ZDHHC11B: variants seen among roughly 807,000 people sequenced by gnomAD.
ZDHHC11B encodes the protein zDHHC palmitoyltransferase 11B (putative), also known as probable palmitoyltransferase ZDHHC11B.
ZDHHC11B carries 17 observed loss-of-function variants against 42.3 expected under a neutral mutation model. The ratio of observed to expected loss-of-function variants is 0.40; its 90% CI spans 0.27 to 0.60. ZDHHC11B has a LOEUF of 0.60. Among genes scored for constraint, ZDHHC11B ranks in the 20% least tolerant of loss-of-function variants. The pLI is 0.41. For synonymous variants in ZDHHC11B, 123 were observed against 193.5 expected (o/e 0.64, Z 3.02); for missense variants, 262 against 463.2 (o/e 0.57, Z 3.99).
chr5:720,266 G>T (rs1194677817), intron 12 of ZDHHC11B, among the ~76,000 whole-genome samples: 4 of 151,922 alleles, frequency 2.6e-5, no homozygotes, highest in African/African-American at 9.7e-5. Flanking sequence ...AATTTTGAAG[G>T]CAGGCAGAGA....
At chr5:746,256 C>G (rs1228572028) in intron 8 of ZDHHC11B, among the ~76,000 whole-genome samples, 1 of 146,404 alleles carries the variant, frequency 6.8e-6, no homozygotes, top group Non-Finnish European at 1.5e-5. Flanking sequence ...CCCACAGAGG[C>G]CTATTTGCAG....
At chr5:778,594 C>T (rs111414568) in intron 1 of ZDHHC11B, among the ~76,000 whole-genome samples, 6,210 of 151,342 alleles carry the variant, frequency 0.041, 39 homozygotes, top group Non-Finnish European at 0.06. Context: ...CCTTGGGGCT[C>T]AGGGTCCAGG....
In ZDHHC11B at chr5:778,013, C is replaced by T. The variant is rs369090505; in HGVS notation, c.-230+6655G>A. The stretch of plus-strand genomic sequence containing the variant: ...CGCGAGAATTTGAGCATGGCGCAGG[C>T]GGGCTGGCAGTGCTGGGGGACCCGG... On this transcript the variant is annotated intron_variant, in intron 1 of 13. Transcript: ENST00000508859. 1.3e-3 allele frequency among the ~76,000 whole-genome samples: 193 copies of T among 151,900 alleles called. No homozygotes were observed. The East Asian group carries it at 0.026, about 20-fold the overall frequency.
chr5:742,631 T>A (rs1390244719), intron 9 of ZDHHC11B, among the ~76,000 whole-genome samples: 1 of 149,846 alleles, frequency 6.7e-6, no homozygotes, highest in African/African-American at 2.5e-5. Context: ...AGATACATAG[T>A]TTTTAGACAT....
At chr5:745,402 C>A in intron 8 of ZDHHC11B, 104 bp from the exon 9 acceptor site, 1 of 995,360 alleles carries the variant, frequency 1.0e-6, no homozygotes, top group Non-Finnish European at 1.5e-6. Flanking sequence ...GATCCGGCCC[C>A]TGCACAGGGA....
At chr5:762,331 G>A (rs777728193) in intron 4 of ZDHHC11B, among the ~76,000 whole-genome samples, 2 of 151,890 alleles carry the variant, frequency 1.3e-5, no homozygotes, top group African/African-American at 2.4e-5. Flanking sequence ...CAAACAAGAC[G>A]CAGGTTGCAA....
At chr5:740,003 T>C (rs1743991604) in intron 10 of ZDHHC11B, among the ~76,000 whole-genome samples, 2 of 152,038 alleles carry the variant, frequency 1.3e-5, no homozygotes, top group African/African-American at 4.8e-5. Flanking sequence ...TGCAGACCAT[T>C]ATTCTAAGTG....
chr5:731,681 A>G (rs1743029488), intron 11 of ZDHHC11B, among the ~76,000 whole-genome samples: 1 of 151,922 alleles, frequency 6.6e-6, no homozygotes, highest in African/African-American at 2.4e-5. Context: ...ACTGGTGACA[A>G]TGGAAGAAAC....
intron 1 of ZDHHC11B, among the ~76,000 whole-genome samples, chr5:779,339 A>T (rs2150248316): frequency 6.7e-6 from 1 of 150,048 alleles, no homozygotes; most frequent in South Asian, 2.1e-4. Flanking sequence ...CAATTGTCAG[A>T]AGCCTCTGGA....
At chr5:724,496 C>T (rs1561118665) in intron 12 of ZDHHC11B, among the ~76,000 whole-genome samples, 2 of 145,978 alleles carry the variant, frequency 1.4e-5, no homozygotes, top group Admixed American at 1.4e-4. Flanking sequence ...CTGCCTCAGC[C>T]TCCCGAGTAG....
Position 713,059 on chromosome 5 carries a change from A to G in ZDHHC11B, c.*8-777T>C, listed in dbSNP as rs1357504928. On this transcript the variant is annotated intron_variant, in intron 13 of 13. Transcript: ENST00000508859. ...GTTGGTGTCTTCTAACAATGTTGGCAAATTCTCAGCCAAATCTCCTTAAAT... is the reference window on the plus strand; with the variant it reads ...GTTGGTGTCTTCTAACAATGTTGGCGAATTCTCAGCCAAATCTCCTTAAAT... Among the ~76,000 whole-genome samples, 18 of 150,918 alleles carry G rather than the reference A, an allele frequency of 1.2e-4. No individual in the cohort carries two copies. In the Admixed American group the frequency reaches 1.2e-3, roughly 10 times the overall value.
At chr5:732,416 G>A in intron 11 of ZDHHC11B, 3 of 308,820 alleles carry the variant, frequency 9.7e-6, no homozygotes, top group South Asian at 8.5e-5. Context: ...GACAATCGCA[G>A]GCAGAGAAAC....
chr5:743,660 T>C (rs1393547615), intron 9 of ZDHHC11B, among the ~76,000 whole-genome samples: 3 of 150,030 alleles, frequency 2.0e-5, no homozygotes, highest in Non-Finnish European at 4.4e-5. Context: ...CATTAGATTA[T>C]GAAAGGAAGT....
intron 1 of ZDHHC11B, among the ~76,000 whole-genome samples, chr5:777,549 T>C (rs573463002): frequency 2.0e-5 from 3 of 151,880 alleles, no homozygotes; most frequent in African/African-American, 7.3e-5. Context: ...TGGAGTCAGG[T>C]TGCGGCAGGG....
Position 713,919 on chromosome 5 carries a change from C to T in ZDHHC11B, c.*8-1637G>A, listed in dbSNP as rs183292490. On this transcript the variant is annotated intron_variant, in intron 13 of 13. Coordinates refer to ENST00000508859, the MANE Select transcript of ZDHHC11B (RefSeq NM_001351303.2). ...TCAGCTTGATCTGCCCTTTGTACCT[C>T]CTGAAAAGGTGAAAATGAAGTTGAC... Among the ~76,000 whole-genome samples the T allele has an allele frequency of 1.0e-3, 129 of 124,684 alleles. 5 individuals are homozygous for T. The highest frequency in any genetic ancestry group is 3.6e-3 in the African/African-American group (122 of 34,196). The allele number at this position is 124,684 out of a possible 152,430, so 81.8% of individuals were successfully genotyped here.
At chr5:777,089 C>A (rs1416975082) in intron 1 of ZDHHC11B, among the ~76,000 whole-genome samples, 1 of 151,894 alleles carries the variant, frequency 6.6e-6, no homozygotes, top group African/African-American at 2.4e-5. Context: ...TGCGGAGCCC[C>A]GCAGTGAGTG....
At position 711,871 on chromosome 5, in the gene ZDHHC11B, A is replaced by ATGCTCCCATTTCCCAGTACTG. The variant is rs1741409076; in HGVS notation, c.*398_*418dup. ...TACTGTGCTCCCATTTCCCAGTACT[A>ATGCTCCCATTTCCCAGTACTG]TGCTCCCATTTCCCAGTACTGTGCT... On this transcript the variant is annotated 3_prime_UTR_variant, in exon 14 of 14. Transcript: ENST00000508859. 1 of 60,234 alleles carries ATGCTCCCATTTCCCAGTACTG rather than the reference A, an allele frequency of 1.7e-5. No homozygotes were observed. Among genetic ancestry groups the ATGCTCCCATTTCCCAGTACTG allele is most frequent in the Non-Finnish European group, 3.6e-5 (1 of 27,912 alleles). 3.7% of individuals were successfully genotyped at this position (60,234 alleles called of 1,614,324 possible).
At chr5:764,898 G>A (rs2150213201) in intron 4 of ZDHHC11B, among the ~76,000 whole-genome samples, 1 of 146,412 alleles carries the variant, frequency 6.8e-6, no homozygotes, top group Non-Finnish European at 1.5e-5. Context: ...CCTATGTCTA[G>A]CTCGAAGTTT....
At position 745,214 on chromosome 5, in the gene ZDHHC11B, G is replaced by A. The variant is rs1484400872; in HGVS notation, c.869C>T (p.Pro290Leu). 1 of 1,602,434 alleles carries A rather than the reference G, an allele frequency of 6.2e-7. No individual in the cohort carries two copies. Among genetic ancestry groups the A allele is most frequent in the Admixed American group, 1.7e-5 (1 of 58,822 alleles). ...AAATCCTTTGTCCATTTGCACGTAT[G>A]GATCTTTCCTCACTGCTTGATGTTT... ...SSKHQAVRKD[P>L]YVQMDKGFLQ... The change falls in exon 9 of 14, where the codon CCA becomes CTA. Residue 290 changes from proline to leucine, a missense_variant. Coordinates refer to ENST00000508859, the MANE Select transcript of ZDHHC11B (RefSeq NM_001351303.2).
Sources: allele counts gnomAD v4.1 joint callset (sites outside exome capture counted in the v4.1 genomes callset), GRCh38; gene constraint gnomAD v4.1.1; transcripts MANE v1.5; gene names NCBI Gene and HGNC (gene_info 2026-07-23, HGNC 2026-07-21).